The following TMEM98 variants were observed in gnomAD, a reference collection of about 807,000 sequenced individuals.
TMEM98 encodes transmembrane protein 98.
Under a neutral mutation model 25.0 loss-of-function variants are expected in TMEM98, and 18 were observed. That is an observed-to-expected ratio of 0.72 (90% CI 0.50 to 1.07). TMEM98 has a LOEUF of 1.07. Among genes scored for constraint, TMEM98 ranks in the 50% least tolerant of loss-of-function variants. The pLI is 0.00. For missense variants in TMEM98, 241 were observed against 289.0 expected (o/e 0.83, Z 1.20); for synonymous variants, 103 against 112.4 (o/e 0.92, Z 0.53).
At chr17:32,940,610 C>G (rs2091523895) in intron 7 of TMEM98, among the ~76,000 whole-genome samples, 176 bp from the exon 8 acceptor site, 1 of 152,104 alleles carries the variant, frequency 6.6e-6, no homozygotes, top group Non-Finnish European at 1.5e-5. Context: ...ATGTTTAACC[C>G]AGCCATCTCC....
At chr17:32,929,060 ACT>A (rs144032030) in intron 1 of TMEM98, among the ~76,000 whole-genome samples, 15,253 of 151,526 alleles carry the variant, frequency 0.1, 1,474 homozygotes, top group African/African-American at 0.25. Flanking sequence ...GCTCACACAC[ACT>A]CAGAAACATA....
intron 3 of TMEM98, among the ~76,000 whole-genome samples, chr17:32,932,548 A>G (rs1262393500): frequency 6.6e-6 from 1 of 152,196 alleles, no homozygotes; most frequent in East Asian, 1.9e-4. Context: ...TCCTATCAGC[A>G]TCTCTGTCAA....
chr17:32,939,289 C>A (rs1165075954), intron 6 of TMEM98, among the ~76,000 whole-genome samples, 188 bp from the exon 7 acceptor site: 2 of 152,136 alleles, frequency 1.3e-5, no homozygotes, highest in African/African-American at 4.8e-5. Flanking sequence ...TGCCTGTAAT[C>A]CCAGCTACTT....
rs991928197 is a variant in TMEM98 at position 32,928,218 on chromosome 17, C to T, written c.-150C>T. 1.3e-5 allele frequency: 2 copies of T among 148,560 alleles called. No homozygotes were observed. The highest frequency in any genetic ancestry group is 4.9e-5 in the African/African-American group (2 of 40,884). 9.2% of individuals were successfully genotyped at this position (148,560 alleles called of 1,614,324 possible). On this transcript the variant is annotated 5_prime_UTR_variant, in exon 1 of 8. Coordinates refer to ENST00000579849, the MANE Select transcript of TMEM98 (RefSeq NM_015544.3). The stretch of plus-strand genomic sequence containing the variant: ...ATCGGCGGGGCAGTCGCGGGATGCG[C>T]CCGGGAGCCACAGCCTGAGGTGGGT...
At chr17:32,928,620 A>G (rs1171882736) in intron 1 of TMEM98, among the ~76,000 whole-genome samples, 1 of 152,042 alleles carries the variant, frequency 6.6e-6, no homozygotes, top group East Asian at 1.9e-4. Flanking sequence ...TTCAGTACGC[A>G]GGGAAGAATA....
At chr17:32,934,546 T>G (rs948696532) in intron 5 of TMEM98, among the ~76,000 whole-genome samples, 3 of 152,238 alleles carry the variant, frequency 2.0e-5, no homozygotes, top group African/African-American at 7.2e-5. Flanking sequence ...CTGGTCGTCT[T>G]AATTCAATGA....
intron 3 of TMEM98, 138 bp downstream of exon 3, chr17:32,931,797 A>G (rs959411186): frequency 6.1e-6 from 7 of 1,155,222 alleles, no homozygotes; most frequent in East Asian, 2.6e-5. Context: ...CCTTCCCTGT[A>G]AAGACCTCAG....
intron 6 of TMEM98, among the ~76,000 whole-genome samples, chr17:32,938,212 C>T (rs2091508049): frequency 6.6e-6 from 1 of 152,198 alleles, no homozygotes; most frequent in African/African-American, 2.4e-5. Context: ...CTTTTGCCCT[C>T]ACACTTCTTT....
Position 32,941,139 on chromosome 17 carries a change from C to G in TMEM98, c.*146C>G. The G allele has an allele frequency of 1.4e-6, 1 of 719,734 alleles. No homozygotes were observed. The highest frequency in any genetic ancestry group is 2.2e-6 in the Non-Finnish European group (1 of 450,740). 44.6% of individuals were successfully genotyped at this position (719,734 alleles called of 1,614,324 possible). ...TGTGCATAGTAAAGCAGGAGATCCCCGTCAGTTTATGCCTCTTTTGCAGTT... is the reference window on the plus strand; with the variant it reads ...TGTGCATAGTAAAGCAGGAGATCCCGGTCAGTTTATGCCTCTTTTGCAGTT... On this transcript the variant is annotated 3_prime_UTR_variant, in exon 8 of 8. Coordinates refer to ENST00000579849, the MANE Select transcript of TMEM98 (RefSeq NM_015544.3).
chr17:32,940,738 G>A (rs376801191), intron 7 of TMEM98, 48 bp from the exon 8 acceptor site: 18 of 1,572,284 alleles, frequency 1.1e-5, no homozygotes, highest in Non-Finnish European at 1.5e-5. Flanking sequence ...TTTGTGCAAA[G>A]TCCCTCATTT....
chr17:32,931,905 C>T (rs2091471769), intron 3 of TMEM98, among the ~76,000 whole-genome samples: 1 of 152,124 alleles, frequency 6.6e-6, no homozygotes, highest in Non-Finnish European at 1.5e-5. Context: ...ACATGTTCAC[C>T]TAGCATAAAA....
chr17:32,932,124 G>A lies in TMEM98; in HGVS notation c.131+465G>A, dbSNP rs540569280. On this transcript the variant is annotated intron_variant, in intron 3 of 7. Coordinates refer to ENST00000579849, the MANE Select transcript of TMEM98 (RefSeq NM_015544.3). ...TTTTTTTTTTTTTTTTTTTGAGATA[G>A]AGTTTCACTCTCGTTGCCCAGGCTG... 1.4e-4 allele frequency among the ~76,000 whole-genome samples: 17 copies of A among 125,486 alleles called. No homozygotes were observed. In the South Asian group the frequency reaches 4.0e-3, roughly 29 times the overall value. 82.3% of individuals were successfully genotyped at this position (125,486 alleles called of 152,430 possible).
At chr17:32,929,806 G>T (rs1003977756) in intron 1 of TMEM98, among the ~76,000 whole-genome samples, 2 of 152,112 alleles carry the variant, frequency 1.3e-5, no homozygotes, top group Non-Finnish European at 2.9e-5. Flanking sequence ...CCCAGCTCTA[G>T]CCTCACCACT....
chr17:32,935,255 A>T (rs2091489979), intron 5 of TMEM98, among the ~76,000 whole-genome samples: 1 of 152,184 alleles, frequency 6.6e-6, no homozygotes, highest in Non-Finnish European at 1.5e-5. Flanking sequence ...GGCTCTTTGG[A>T]TATACAAATA....
At chr17:32,931,836 A>G (rs566356310) in intron 3 of TMEM98, among the ~76,000 whole-genome samples, 177 bp downstream of exon 3, 3 of 152,278 alleles carry the variant, frequency 2.0e-5, no homozygotes, top group African/African-American at 4.8e-5. Flanking sequence ...AAGCCTCCCA[A>G]CATCCTGAGT....
Position 32,940,990 on chromosome 17 carries a change from TTAGTGCCTA to T in TMEM98, c.679_*6del, listed in dbSNP as rs2091527572. The T allele has an allele frequency of 2.5e-6, 4 of 1,604,882 alleles. No individual in the cohort carries two copies. Among genetic ancestry groups the T allele is most frequent in the Non-Finnish European group, 2.6e-6 (3 of 1,175,736 alleles). On this transcript the variant is annotated stop_lost and 3_prime_UTR_variant, in exon 8 of 8. Transcript: ENST00000579849. ...GCTTCCTGCAGGAGCAGTCTGCAAT[TTAGTGCCTA>T]CAGGCCAGCAGCTAGCCATGAAGGC...
chr17:32,933,873 G>A (rs1195431575), intron 4 of TMEM98, among the ~76,000 whole-genome samples: 1 of 152,208 alleles, frequency 6.6e-6, no homozygotes, highest in Non-Finnish European at 1.5e-5. Context: ...GCAGTGTCTA[G>A]GTTTGCCTGG....
At chr17:32,928,410 C>T (rs2091444366) in intron 1 of TMEM98, among the ~76,000 whole-genome samples, 173 bp downstream of exon 1, 1 of 147,762 alleles carries the variant, frequency 6.8e-6, no homozygotes, top group Admixed American at 6.6e-5. Flanking sequence ...CGCCCCGGAG[C>T]GCTCCGGGGC....
Position 32,941,154 on chromosome 17 carries a change from CTT to C in TMEM98, c.*164_*165del, listed in dbSNP as rs1252426501. 2 of 638,942 alleles carry C rather than the reference CTT, an allele frequency of 3.1e-6. No homozygotes were observed. The highest frequency in any genetic ancestry group is 3.2e-5 in the Admixed American group (1 of 31,154). 39.6% of individuals were successfully genotyped at this position (638,942 alleles called of 1,614,324 possible). A position where few individuals can be genotyped will look rare whatever the true frequency, so the allele number is the denominator to read the frequency against. On this transcript the variant is annotated 3_prime_UTR_variant, in exon 8 of 8. Coordinates refer to ENST00000579849, the MANE Select transcript of TMEM98 (RefSeq NM_015544.3). ...AGGAGATCCCCGTCAGTTTATGCCTCTTTTGCAGTTGCAAACTGTGGCTGGTG... is the reference window on the plus strand; with the variant it reads ...AGGAGATCCCCGTCAGTTTATGCCTCTTGCAGTTGCAAACTGTGGCTGGTG...
Sources: allele counts gnomAD v4.1 joint callset (sites outside exome capture counted in the v4.1 genomes callset), GRCh38; gene constraint gnomAD v4.1.1; transcripts MANE v1.5; gene names NCBI Gene and HGNC (gene_info 2026-07-23, HGNC 2026-07-21).